PTPRD: variants seen among roughly 807,000 people sequenced by gnomAD.
The protein encoded by PTPRD is protein tyrosine phosphatase receptor type D.
A neutral mutation model predicts 214.5 loss-of-function variants in PTPRD; 34 were observed. The ratio of observed to expected loss-of-function variants is 0.16; its 90% CI spans 0.12 to 0.21. The LOEUF is 0.21. Ranked by LOEUF, PTPRD falls within the 10% of genes least tolerant of loss-of-function variation. PTPRD has a pLI of 1.00. For missense variants in PTPRD, 2,545 were observed against 2,398.7 expected (o/e 1.06, Z -1.27); for synonymous variants, 1,128 against 845.7 (o/e 1.33, Z -5.79).
At chr9:9,912,106 T>C (rs926156431) in intron 5 of PTPRD, among the ~76,000 whole-genome samples, 1 of 152,168 alleles carries the variant, frequency 6.6e-6, no homozygotes, top group Non-Finnish European at 1.5e-5. Flanking sequence ...AAAAATACTA[T>C]AAAATAAAAC....
intron 11 of PTPRD, among the ~76,000 whole-genome samples, chr9:8,933,181 C>G (rs112330857): frequency 7.5e-4 from 114 of 152,054 alleles, no homozygotes; most frequent in African/African-American, 2.7e-3. Flanking sequence ...CTTCTGCTCG[C>G]CCTTCATGGG....
intron 3 of PTPRD, among the ~76,000 whole-genome samples, chr9:10,202,890 G>T (rs750220828): frequency 6.6e-6 from 1 of 151,616 alleles, no homozygotes; most frequent in Non-Finnish European, 1.5e-5. Flanking sequence ...CAGGAAGCAG[G>T]CCCTTACCAG....
chr9:9,709,135 G>A (rs1205194555), intron 7 of PTPRD, among the ~76,000 whole-genome samples: 1 of 151,898 alleles, frequency 6.6e-6, no homozygotes, highest in East Asian at 1.9e-4. Flanking sequence ...TTGTGGTTTT[G>A]CAAGATTCAA....
chr9:9,004,567 C>T (rs371983188), intron 11 of PTPRD, among the ~76,000 whole-genome samples: 1 of 151,838 alleles, frequency 6.6e-6, no homozygotes, highest in Non-Finnish European at 1.5e-5. Flanking sequence ...TGTTTCTCTT[C>T]CTGACATTCT....
intron 3 of PTPRD, among the ~76,000 whole-genome samples, chr9:10,210,390 A>G (rs1319995987): frequency 6.6e-6 from 1 of 152,126 alleles, no homozygotes; most frequent in African/African-American, 2.4e-5. Flanking sequence ...TATCCAGAAA[A>G]TATGGAAACA....
At chr9:9,596,422 A>G (rs563090300) in intron 7 of PTPRD, among the ~76,000 whole-genome samples, 50 of 152,112 alleles carry the variant, frequency 3.3e-4, no homozygotes, top group African/African-American at 1.2e-3. Context: ...ACGATATTAT[A>G]CTGAATTATT....
At chr9:10,604,700 C>T (rs1014827639) in intron 2 of PTPRD, among the ~76,000 whole-genome samples, 1 of 151,694 alleles carries the variant, frequency 6.6e-6, no homozygotes, top group African/African-American at 2.4e-5. Flanking sequence ...AGAGGAGTTG[C>T]CACTGGAATT....
rs536332884 is a variant in PTPRD at position 10,574,627 on chromosome 9, T to C, written c.-600+37771A>G. Among the ~76,000 whole-genome samples, 308 of 152,138 alleles carry C rather than the reference T, an allele frequency of 2.0e-3. 1 individual carries two copies. The highest frequency in any genetic ancestry group is 3.4e-3 in the Middle Eastern group (1 of 292). On this transcript the variant is annotated intron_variant, in intron 2 of 45. Coordinates refer to ENST00000381196, the MANE Select transcript of PTPRD (RefSeq NM_002839.4). Reference sequence around the variant, plus strand: ...GGTTAATGTTCATTAAGATTTTGAATAGCTTACACAGGAAGTTTTCATAGC... The same window carrying C: ...GGTTAATGTTCATTAAGATTTTGAACAGCTTACACAGGAAGTTTTCATAGC...
At chr9:10,194,653 T>C (rs1168890097) in intron 3 of PTPRD, among the ~76,000 whole-genome samples, 5 of 130,484 alleles carry the variant, frequency 3.8e-5, no homozygotes, top group Non-Finnish European at 6.6e-5. Flanking sequence ...TATGTAAAAC[T>C]AAATCTAAAA....
At chr9:10,203,201 A>T in intron 3 of PTPRD, among the ~76,000 whole-genome samples, 1 of 131,546 alleles carries the variant, frequency 7.6e-6, no homozygotes, top group Non-Finnish European at 1.6e-5. Flanking sequence ...GTGAATTGTG[A>T]GTTTCTGGAA....
chr9:10,328,243 T>A (rs1027941159), intron 3 of PTPRD, among the ~76,000 whole-genome samples: 1 of 151,674 alleles, frequency 6.6e-6, no homozygotes, highest in Non-Finnish European at 1.5e-5. Context: ...ATTTTCTTAT[T>A]TTTCTTATTT....
intron 11 of PTPRD, among the ~76,000 whole-genome samples, chr9:8,842,555 T>C (rs2097579334): frequency 6.6e-6 from 1 of 152,116 alleles, no homozygotes; most frequent in African/African-American, 2.4e-5. Flanking sequence ...AACTCTCACC[T>C]AGTGGTAGGG....
intron 5 of PTPRD, among the ~76,000 whole-genome samples, chr9:9,842,410 G>T (rs1315048521): frequency 7.0e-6 from 1 of 143,064 alleles, no homozygotes; most frequent in Non-Finnish European, 1.5e-5. Context: ...TAAGTGAAAA[G>T]TGGGATTAAA....
At chr9:10,227,404 G>A (rs553917064) in intron 3 of PTPRD, among the ~76,000 whole-genome samples, 20 of 152,038 alleles carry the variant, frequency 1.3e-4, no homozygotes, top group East Asian at 3.9e-4. Context: ...TCAGAGAAGC[G>A]TGGCAGAAAT....
intron 14 of PTPRD, among the ~76,000 whole-genome samples, chr9:8,586,991 C>CA (rs2093708944): frequency 6.6e-6 from 1 of 151,968 alleles, no homozygotes; most frequent in Non-Finnish European, 1.5e-5. Context: ...ACTAAAAATA[C>CA]AAAAAATTAT....
intron 11 of PTPRD, among the ~76,000 whole-genome samples, chr9:8,927,406 T>C (rs1195181890): frequency 1.3e-5 from 2 of 152,104 alleles, no homozygotes; most frequent in Non-Finnish European, 2.9e-5. Flanking sequence ...CCCCTCCCTG[T>C]GTCCATGTGT....
At chr9:9,052,948 T>G (rs928225309) in intron 10 of PTPRD, among the ~76,000 whole-genome samples, 2 of 152,188 alleles carry the variant, frequency 1.3e-5, no homozygotes, top group East Asian at 3.9e-4. Context: ...TTTTACGTAC[T>G]GAAACATTCT....
intron 3 of PTPRD, among the ~76,000 whole-genome samples, chr9:10,181,376 A>G (rs2099283828): frequency 6.6e-6 from 1 of 152,154 alleles, no homozygotes; most frequent in East Asian, 1.9e-4. Context: ...ACTACTCCCC[A>G]AATTTAGAGA....
chr9:10,589,057 A>G (rs914510439), intron 2 of PTPRD, among the ~76,000 whole-genome samples: 1 of 152,078 alleles, frequency 6.6e-6, no homozygotes, highest in Admixed American at 6.6e-5. Context: ...GCTGGACCCA[A>G]ATAATTGCAT....
Sources: allele counts gnomAD v4.1 joint callset (sites outside exome capture counted in the v4.1 genomes callset), GRCh38; gene constraint gnomAD v4.1.1; transcripts MANE v1.5; gene names NCBI Gene and HGNC (gene_info 2026-07-23, HGNC 2026-07-21).